PTGR1: variants seen among roughly 807,000 people sequenced by gnomAD.
The protein encoded by PTGR1 is prostaglandin reductase 1.
Under a neutral mutation model 37.7 loss-of-function variants are expected in PTGR1, and 23 were observed. The observed-to-expected ratio is 0.61, with a 90% CI of 0.44 to 0.86. The LOEUF is 0.86. Ranked by LOEUF, PTGR1 falls within the 40% of genes least tolerant of loss-of-function variation. The pLI is 0.00. For missense variants in PTGR1, 351 were observed against 394.3 expected (o/e 0.89, Z 0.93); for synonymous variants, 134 against 140.0 (o/e 0.96, Z 0.30).
chr9:111,596,842 G>A (rs369569023), intron 2 of PTGR1, among the ~76,000 whole-genome samples: 3 of 145,854 alleles, frequency 2.1e-5, no homozygotes, highest in African/African-American at 5.2e-5. Flanking sequence ...CAAGAGAATC[G>A]CTTGGACCCA....
At chr9:111,584,891 C>T (rs929909848) in intron 5 of PTGR1, among the ~76,000 whole-genome samples, 1 of 152,112 alleles carries the variant, frequency 6.6e-6, no homozygotes, top group African/African-American at 2.4e-5. Context: ...TCTTATTACA[C>T]TAGCCAAAAG....
intron 9 of PTGR1, among the ~76,000 whole-genome samples, chr9:111,569,584 C>T (rs1828718479): frequency 6.6e-6 from 1 of 152,076 alleles, no homozygotes; most frequent in East Asian, 1.9e-4. Flanking sequence ...GCCAACATGA[C>T]GAAAACCTGT....
intron 9 of PTGR1, among the ~76,000 whole-genome samples, chr9:111,551,411 T>G (rs866788779): frequency 0.018 from 2,526 of 139,502 alleles, 77 homozygotes; most frequent in African/African-American, 0.064. Context: ...TTTTTTTTTT[T>G]TTTTTTTTTT....
At chr9:111,566,193 C>A (rs7871740) in intron 9 of PTGR1, among the ~76,000 whole-genome samples, 10,378 of 151,952 alleles carry the variant, frequency 0.068, 585 homozygotes, top group African/African-American at 0.15. Context: ...ACAGAGTGAG[C>A]CTCCATGTCA....
At chr9:111,588,207 T>TC (rs1271539200) in intron 4 of PTGR1, among the ~76,000 whole-genome samples, 6 of 150,306 alleles carry the variant, frequency 4.0e-5, no homozygotes, top group Non-Finnish European at 7.4e-5. Context: ...TTTTTTTTTT[T>TC]TTTTTTTGAG....
At chr9:111,592,884 G>A in intron 4 of PTGR1, 42 bp downstream of exon 4, 1 of 1,564,654 alleles carries the variant, frequency 6.4e-7, no homozygotes, top group Non-Finnish European at 8.6e-7. Flanking sequence ...AGGTAAAGAG[G>A]AGACATATTT....
At chr9:111,590,207 T>C (rs73656270) in intron 4 of PTGR1, among the ~76,000 whole-genome samples, 2,605 of 152,108 alleles carry the variant, frequency 0.017, 77 homozygotes, top group African/African-American at 0.059. Context: ...AAATTGAGAA[T>C]TAACTTACAA....
At chr9:111,581,534 G>C (rs773174682) in intron 6 of PTGR1, among the ~76,000 whole-genome samples, 42 of 152,168 alleles carry the variant, frequency 2.8e-4, no homozygotes, top group Non-Finnish European at 5.9e-4. Context: ...ACAAAGGAAA[G>C]AGAATCAGAT....
intron 9 of PTGR1, among the ~76,000 whole-genome samples, chr9:111,552,376 G>C (rs1348247701): frequency 6.6e-6 from 1 of 151,976 alleles, no homozygotes; most frequent in Non-Finnish European, 1.5e-5. Flanking sequence ...TCCGTGACTC[G>C]TTTCTTGGAG....
intron 1 of PTGR1, among the ~76,000 whole-genome samples, chr9:111,597,880 T>C (rs1164819805): frequency 6.6e-6 from 1 of 151,896 alleles, no homozygotes; most frequent in Non-Finnish European, 1.5e-5. Flanking sequence ...AAGAACCCAA[T>C]AGATAGAAGT....
At chr9:111,573,831 C>T (rs1375169421) in intron 8 of PTGR1, among the ~76,000 whole-genome samples, 1 of 152,088 alleles carries the variant, frequency 6.6e-6, no homozygotes, top group African/African-American at 2.4e-5. Flanking sequence ...TTTTGGACCT[C>T]AGAGTGTGGA....
At chr9:111,576,161 G>A (rs558086605) in intron 7 of PTGR1, among the ~76,000 whole-genome samples, 15 of 149,918 alleles carry the variant, frequency 1.0e-4, no homozygotes, top group Non-Finnish European at 1.6e-4. Context: ...TGGTGAGACT[G>A]AGTCTCAAAA....
intron 9 of PTGR1, among the ~76,000 whole-genome samples, chr9:111,567,250 C>T (rs1417260631): frequency 2.0e-5 from 3 of 152,224 alleles, no homozygotes; most frequent in African/African-American, 4.8e-5. Context: ...TGCAGTGGCA[C>T]GATCTTGACT....
rs1828388672 is a variant in PTGR1, at chr9:111,563,212, T to C, written c.899A>G (p.Glu300Gly). The C allele has an allele frequency of 6.2e-7, 1 of 1,613,580 alleles. No individual in the cohort carries two copies. The highest frequency in any genetic ancestry group is 1.1e-5 in the South Asian group (1 of 91,034). The change falls in exon 10 of 10, where the codon GAA becomes GGA. Residue 300 changes from glutamate (E) to glycine (G), a missense_variant. Transcript: ENST00000407693. ...GTTTTCAAATCCTTCAATGATATAT[T>C]CCTTGTACTGGATTTTACCCTGTAT... is the stretch of plus-strand genomic sequence containing the variant. Reference protein sequence around the residue: ...WVLEGKIQYKEYIIEGFENMP... With the variant: ...WVLEGKIQYKGYIIEGFENMP...
rs1192259383 is a variant in PTGR1, at chr9:111,578,800, T to C, written c.647A>G (p.Asp216Gly). 6.2e-7 allele frequency: 1 copy of C among 1,602,194 alleles called. No individual in the cohort carries two copies. Among genetic ancestry groups the C allele is most frequent in the South Asian group, 1.1e-5 (1 of 89,248 alleles). The change falls in exon 7 of 10, where the codon GAT becomes GGT. Residue 216 changes from aspartate (D) to glycine (G), a missense_variant. Coordinates refer to ENST00000407693, the MANE Select transcript of PTGR1 (RefSeq NM_001146108.2). Reference sequence around the variant, plus strand: ...TTAAGTCCAGTTTGTACTTACATTATCAAAATAACAATCATAACCATCAGG... The same window carrying C: ...TTAAGTCCAGTTTGTACTTACATTACCAAAATAACAATCATAACCATCAGG... ...ASPDGYDCYF[D>G]NVGGEFSNTV...
rs777182638 is a variant in PTGR1 at position 111,586,048 on chromosome 9, C to A, written c.327G>T (p.Trp109Cys). 4.3e-6 allele frequency: 7 copies of A among 1,614,208 alleles called. No individual in the cohort carries two copies. The highest frequency in any genetic ancestry group is 1.1e-5 in the South Asian group (1 of 91,082). Residue 109 changes from tryptophan (W) to cysteine (C), a missense_variant, in exon 5 of 10, where the codon TGG (tryptophan) becomes TGT (cysteine). By Grantham distance (215) the Trp-to-Cys change is radical. Coordinates refer to ENST00000407693, the MANE Select transcript of PTGR1 (RefSeq NM_001146108.2). ...GKDLEKLLTE[W>C]PDTIPLSLAL... is the part of the protein sequence containing the mutation. ...CCAAAGACAGTGGTATTGTGTCTGG[C>A]CACTCTGTCAGCAGCTTTTCCAGAT...
At chr9:111,591,177 G>C (rs948076881) in intron 4 of PTGR1, among the ~76,000 whole-genome samples, 15 of 151,694 alleles carry the variant, frequency 9.9e-5, no homozygotes, top group Admixed American at 9.2e-4. Flanking sequence ...TGTAATCCCA[G>C]CTACTTGGGA....
intron 9 of PTGR1, among the ~76,000 whole-genome samples, chr9:111,552,097 A>G (rs976304623): frequency 3.9e-5 from 6 of 152,212 alleles, no homozygotes; most frequent in South Asian, 2.1e-4. Context: ...GTTCATATGC[A>G]GCGTGATATT....
intron 9 of PTGR1, among the ~76,000 whole-genome samples, chr9:111,566,216 T>C (rs962788273): frequency 4.6e-5 from 7 of 151,280 alleles, no homozygotes; most frequent in Non-Finnish European, 2.9e-5. Flanking sequence ...AATAAATAAA[T>C]AAATAAATAA....
Sources: allele counts gnomAD v4.1 joint callset (sites outside exome capture counted in the v4.1 genomes callset), GRCh38; gene constraint gnomAD v4.1.1; transcripts MANE v1.5; gene names NCBI Gene and HGNC (gene_info 2026-07-23, HGNC 2026-07-21).